TSPAN8: variants seen among roughly 807,000 people sequenced by gnomAD.
TSPAN8 encodes the protein tetraspanin-8.
A neutral mutation model predicts 32.8 loss-of-function variants in TSPAN8; 21 were observed. The ratio of observed to expected loss-of-function variants is 0.64; its 90% CI spans 0.45 to 0.92. The LOEUF (loss-of-function observed/expected upper bound fraction) is 0.92, where lower values mean the gene tolerates loss of function less well. TSPAN8 is among the 40% of genes least tolerant of loss of function. The probability of loss-of-function intolerance (pLI) is 0.00; values close to 1 mark genes in which losing one functional copy is unlikely to be tolerated. For synonymous variants in TSPAN8, 95 were observed against 94.6 expected (o/e 1.00, Z -0.03); for missense variants, 269 against 281.9 (o/e 0.95, Z 0.33).
Position 71,138,221 on chromosome 12 carries a change from C to G in TSPAN8, c.271G>C (p.Gly91Arg). ...TGCAGGAGCAGGATCAGAAGCAAGC[C>G]TATGAAAAACTGAAGAAGAGAAAAA... ...SRCMLLLFFI[G>R]LLLILLLQVA... The change falls in exon 5 of 9, where the codon GGC becomes CGC. Residue 91 changes from glycine to arginine, a missense_variant. Physicochemically the swap from Gly to Arg is moderately radical, Grantham distance 125. Transcript: ENST00000247829. 1 of 1,613,380 alleles carries G rather than the reference C, an allele frequency of 6.2e-7. No homozygotes were observed. The highest frequency in any genetic ancestry group is 1.7e-4 in the Middle Eastern group (1 of 6,042).
In TSPAN8 at chr12:71,138,338, A is replaced by G. The variant is rs183500834; in HGVS notation, c.262-108T>C. The G allele has an allele frequency of 2.3e-5, 24 of 1,055,548 alleles. No homozygotes were observed. The African/African-American group carries it at 2.4e-4, about 10-fold the overall frequency. 65.4% of individuals were successfully genotyped at this position (1,055,548 alleles called of 1,614,324 possible). On this transcript the variant is annotated intron_variant, in intron 4 of 8. Transcript: ENST00000247829. The stretch of plus-strand genomic sequence containing the variant: ...ACAGCTGGGATTATATCACAGTGAG[A>G]GTGTCAGTCACACTCTTCATTTATT...
At chr12:71,142,850 A>AAAC (rs1555195659) in intron 3 of TSPAN8, among the ~76,000 whole-genome samples, 1 of 139,300 alleles carries the variant, frequency 7.2e-6, no homozygotes, top group South Asian at 2.3e-4. Context: ...AAAAAAACAA[A>AAAC]AAAAAAAAAA....
At chr12:71,142,121 C>A (rs560858249) in intron 3 of TSPAN8, among the ~76,000 whole-genome samples, 49 of 152,274 alleles carry the variant, frequency 3.2e-4, no homozygotes, top group Non-Finnish European at 1.9e-4. Context: ...TTTGCTCTGT[C>A]TTGATTCTTT....
intron 2 of TSPAN8, among the ~76,000 whole-genome samples, chr12:71,148,366 C>T (rs11178657): frequency 0.011 from 1,608 of 152,274 alleles, 35 homozygotes; most frequent in African/African-American, 0.037. Context: ...AGAAGAATAT[C>T]ACCAGCCTTA....
intron 2 of TSPAN8, among the ~76,000 whole-genome samples, chr12:71,148,581 T>C (rs1378799281): frequency 6.6e-6 from 1 of 152,190 alleles, no homozygotes; most frequent in Non-Finnish European, 1.5e-5. Flanking sequence ...ATATATTAAT[T>C]TGATTATTAT....
chr12:71,125,159 C>T lies in TSPAN8; in HGVS notation c.*175G>A. On this transcript the variant is annotated 3_prime_UTR_variant, in exon 9 of 9. Transcript: ENST00000247829. ...CATTCATATCATTTTCCCTTATATC[C>T]CTCAAATCTTAAATGTGTTCAATAT... 4.0e-6 allele frequency: 2 copies of T among 503,560 alleles called. No individual in the cohort carries two copies. The highest frequency in any genetic ancestry group is 3.5e-5 in the South Asian group (1 of 28,198). 31.2% of individuals were successfully genotyped at this position (503,560 alleles called of 1,614,324 possible).
Position 71,157,784 on chromosome 12 carries a change from A to G in TSPAN8, c.-106T>C. ...CTTGCCTGCAGAGATTTCTGTATCC[A>G]CGGCTTCAGAGCAGAAAGAGAAAGC... On this transcript the variant is annotated 5_prime_UTR_variant, in exon 2 of 9. Transcript: ENST00000247829. 1.2e-6 allele frequency: 1 copy of G among 810,670 alleles called. No homozygotes were observed. The allele number at this position is 810,670 out of a possible 1,614,324, so 50.2% of individuals were successfully genotyped here.
rs1181536559 is a variant in TSPAN8 at position 71,157,961 on chromosome 12, C to T, written c.-141G>A. On this transcript the variant is annotated 5_prime_UTR_variant, in exon 1 of 9. Coordinates refer to ENST00000247829, the MANE Select transcript of TSPAN8 (RefSeq NM_004616.3). Reference sequence around the variant, plus strand: ...AAATATCGCAAAGGCTATCTCCAGGCAAGTATGTTCCTTTGCTTGTCATAG... The same window carrying T: ...AAATATCGCAAAGGCTATCTCCAGGTAAGTATGTTCCTTTGCTTGTCATAG... 3 of 387,748 alleles carry T rather than the reference C, an allele frequency of 7.7e-6. No individual in the cohort carries two copies. Among genetic ancestry groups the T allele is most frequent in the Non-Finnish European group, 1.4e-5 (3 of 213,846 alleles). The allele number at this position is 387,748 out of a possible 1,614,324, so 24.0% of individuals were successfully genotyped here. A position where few individuals can be genotyped will look rare whatever the true frequency, so the allele number is the denominator to read the frequency against.
chr12:71,135,880 A>G (rs1040207444), intron 6 of TSPAN8, among the ~76,000 whole-genome samples: 1 of 152,152 alleles, frequency 6.6e-6, no homozygotes, highest in Non-Finnish European at 1.5e-5. Flanking sequence ...TCCTTCTTTA[A>G]GCCTGTTTTA....
chr12:71,154,643 G>C (rs1009168559), intron 2 of TSPAN8, among the ~76,000 whole-genome samples: 3 of 152,080 alleles, frequency 2.0e-5, no homozygotes, highest in African/African-American at 4.8e-5. Flanking sequence ...ATTGCTACTG[G>C]TTTCAGTGCT....
At chr12:71,137,188 G>C (rs1346689298) in intron 6 of TSPAN8, among the ~76,000 whole-genome samples, 1 of 152,178 alleles carries the variant, frequency 6.6e-6, no homozygotes, top group Non-Finnish European at 1.5e-5. Flanking sequence ...CCTGAGGTGG[G>C]AAGATCTCTT....
chr12:71,139,089 A>G (rs1276458386), intron 4 of TSPAN8: 15 of 455,946 alleles, frequency 3.3e-5, no homozygotes, highest in Non-Finnish European at 5.3e-5. Context: ...TGATTATCTC[A>G]TTCATTTAAA....
intron 2 of TSPAN8, among the ~76,000 whole-genome samples, chr12:71,151,976 T>G (rs2137061198): frequency 6.6e-6 from 1 of 152,340 alleles, no homozygotes; most frequent in Non-Finnish European, 1.5e-5. Context: ...TGAAAGCCCA[T>G]TATGTATAAA....
intron 2 of TSPAN8, among the ~76,000 whole-genome samples, chr12:71,150,930 T>A (rs906048139): frequency 8.5e-5 from 13 of 152,200 alleles, no homozygotes; most frequent in African/African-American, 3.1e-4. Context: ...CACATAGAAC[T>A]GTGAGTCTAT....
At chr12:71,128,524 A>G (rs1871411985) in intron 8 of TSPAN8, among the ~76,000 whole-genome samples, 1 of 152,094 alleles carries the variant, frequency 6.6e-6, no homozygotes, top group Non-Finnish European at 1.5e-5. Context: ...AGTGAATTTG[A>G]TCTACTTGAT....
intron 7 of TSPAN8, among the ~76,000 whole-genome samples, chr12:71,130,749 T>C (rs1871495682): frequency 6.6e-6 from 1 of 152,228 alleles, no homozygotes; most frequent in Non-Finnish European, 1.5e-5. Context: ...AGATTAATGA[T>C]TATATCTACT....
At chr12:71,129,537 G>T in intron 7 of TSPAN8, 123 bp from the exon 8 acceptor site, 1 of 1,082,820 alleles carries the variant, frequency 9.2e-7, no homozygotes, top group Non-Finnish European at 1.2e-6. Flanking sequence ...TAACGACAAG[G>T]AACTGGGTTA....
chr12:71,135,296 G>C (rs946012324), intron 6 of TSPAN8, among the ~76,000 whole-genome samples: 7 of 139,820 alleles, frequency 5.0e-5, no homozygotes, highest in African/African-American at 2.0e-4. Context: ...AGAAGAAGGA[G>C]GAGGGGGAGG....
At chr12:71,147,925 A>G (rs543798522) in intron 2 of TSPAN8, among the ~76,000 whole-genome samples, 1 of 152,266 alleles carries the variant, frequency 6.6e-6, no homozygotes, top group African/African-American at 2.4e-5. Context: ...AAGTTGTGTT[A>G]AGCTGAATTA....
Sources: gnomAD v4.1 joint callset for allele counts (sites outside exome capture counted in the v4.1 genomes callset) on GRCh38, gnomAD v4.1.1 for gene constraint, MANE v1.5 for transcripts, NCBI Gene and HGNC (gene_info 2026-07-23, HGNC 2026-07-21) for gene names.